Variants in AKAP9 observed in about 807,000 individuals in gnomAD.
AKAP9 encodes the protein A-kinase anchor protein 9.
AKAP9 carries 311 observed loss-of-function variants against 488.5 expected under a neutral mutation model. That is an observed-to-expected ratio of 0.64 (90% confidence interval 0.58 to 0.70). The LOEUF is 0.70. Ranked by LOEUF, AKAP9 falls within the 30% of genes least tolerant of loss-of-function variation. The probability of loss-of-function intolerance (pLI) is 0.00; values close to 1 mark genes in which losing one functional copy is unlikely to be tolerated. For missense variants in AKAP9, 4,215 were observed against 4,374.5 expected, an observed-to-expected ratio of 0.96 and a Z score of 1.03; for synonymous variants, 1,462 against 1,483.5, an observed-to-expected ratio of 0.99 and a Z score of 0.33.
chr7:92,026,181 A>G (rs1214957804), intron 14 of AKAP9, among the ~76,000 whole-genome samples: 1 of 152,228 alleles, frequency 6.6e-6, no homozygotes, highest in Non-Finnish European at 1.5e-5. Flanking sequence ...GAAAATCAAC[A>G]GGGGTTGCAG....
At chr7:92,053,671 A>G (rs574754000) in intron 22 of AKAP9, among the ~76,000 whole-genome samples, 1 of 152,308 alleles carries the variant, frequency 6.6e-6, no homozygotes, top group East Asian at 1.9e-4. Flanking sequence ...TGTGTTATTT[A>G]GCTTCTTCTG....
chr7:92,053,845 G>C (rs1808365426), intron 22 of AKAP9, among the ~76,000 whole-genome samples: 1 of 152,068 alleles, frequency 6.6e-6, no homozygotes, highest in Non-Finnish European at 1.5e-5. Context: ...CAGACCTACT[G>C]AAACTGAGGG....
At chr7:92,104,074 A>C (rs1818094061) in intron 46 of AKAP9, among the ~76,000 whole-genome samples, 3 of 152,278 alleles carry the variant, frequency 2.0e-5, no homozygotes, top group African/African-American at 7.2e-5. Flanking sequence ...TACAAACACC[A>C]AGGCTTCTCC....
intron 23 of AKAP9, among the ~76,000 whole-genome samples, chr7:92,061,673 C>A (rs1809876248): frequency 7.4e-6 from 1 of 135,344 alleles, no homozygotes; most frequent in Non-Finnish European, 1.6e-5. Context: ...TCAGAAAATA[C>A]CAAAAAGGAT....
In AKAP9 at chr7:92,040,870, T is replaced by G; in HGVS notation, c.4889T>G (p.Ile1630Ser). 6.2e-7 allele frequency: 1 copy of G among 1,613,518 alleles called. No individual in the cohort carries two copies. Among genetic ancestry groups the G allele is most frequent in the Non-Finnish European group, 8.5e-7 (1 of 1,179,718 alleles). Residue 1630 changes from isoleucine to serine, a missense_variant, in exon 18 of 50, where the codon ATT becomes AGT. Ile to Ser is a moderately radical substitution (Grantham distance 142). Coordinates refer to ENST00000356239, the MANE Select transcript of AKAP9 (RefSeq NM_005751.5). ...REDQEQLQEE[I>S]KRLNRQLAQR... is the part of the protein sequence containing the mutation. The stretch of plus-strand genomic sequence containing the variant: ...GACCAGGAACAGCTACAAGAAGAGA[T>G]TAAGAGACTTAATAGACAATTAGCC...
intron 38 of AKAP9, among the ~76,000 whole-genome samples, chr7:92,091,822 A>T (rs1815689181): frequency 6.6e-6 from 1 of 152,186 alleles, no homozygotes; most frequent in Non-Finnish European, 1.5e-5. Context: ...ATTTATGTAA[A>T]TCCTTAACCT....
At chr7:92,098,795 A>G (rs1412609484) in intron 43 of AKAP9, among the ~76,000 whole-genome samples, 1 of 152,162 alleles carries the variant, frequency 6.6e-6, no homozygotes, top group Non-Finnish European at 1.5e-5. Context: ...TTATTAAACA[A>G]ATACTTATAT....
In AKAP9 at chr7:92,070,964, A is replaced by G. The variant is rs777969491; in HGVS notation, c.6567A>G (p.Val2189=). 5.0e-5 allele frequency: 81 copies of G among 1,614,000 alleles called. No homozygotes were observed. The highest frequency in any genetic ancestry group is 6.6e-5 in the Non-Finnish European group (78 of 1,179,992). Residue 2189 remains valine, a synonymous_variant, in exon 28 of 50, where the codon GTA becomes GTG. Transcript: ENST00000356239. ...CTAAACCAGAATTGTCCCTAGAAGTACAATTGCAGGCTGAACGAGATGCCA... is the reference window on the plus strand; with the variant it reads ...CTAAACCAGAATTGTCCCTAGAAGTGCAATTGCAGGCTGAACGAGATGCCA... The part of the protein sequence containing the change: ...VEAKPELSLE[V]QLQAERDAID...
chr7:92,014,472 T>C (rs1440321012), intron 10 of AKAP9, 144 bp downstream of exon 10: 19 of 662,008 alleles, frequency 2.9e-5, no homozygotes, highest in Non-Finnish European at 5.0e-5. Context: ...TACCAAAAAA[T>C]ACAAAAATCA....
In AKAP9 at chr7:92,107,370, C is replaced by A. The variant is rs140053176; in HGVS notation, c.11494C>A (p.Arg3832Ser). ...LYGEPRHTTY[R>S]SRSDLDYIRS... ...TGGAGAACCAAGACATACTACGTAT[C>A]GCTCAAGATCAGATCTGGACTATAT... is the stretch of plus-strand genomic sequence containing the variant. The change falls in exon 48 of 50, where the codon CGC becomes AGC. Residue 3832 changes from arginine to serine, a missense_variant. Physicochemically the swap from Arg to Ser is moderately radical, Grantham distance 110 (BLOSUM62 -1). Transcript: ENST00000356239. 6.2e-7 allele frequency: 1 copy of A among 1,613,584 alleles called. No individual in the cohort carries two copies. The highest frequency in any genetic ancestry group is 2.2e-5 in the East Asian group (1 of 44,834).
intron 16 of AKAP9, among the ~76,000 whole-genome samples, chr7:92,037,776 A>C (rs1805434368): frequency 6.6e-6 from 1 of 152,370 alleles, no homozygotes; most frequent in Middle Eastern, 3.4e-3. Flanking sequence ...AAAGATATGC[A>C]CAATTATATA....
Position 92,059,191 on chromosome 7 carries a change from A to G in AKAP9, c.5602-2069A>G, listed in dbSNP as rs978795783. ...GACAGAATATTAACTGATACTTTAC[A>G]TGTACTTTTAATGTAATAAGTTTCT... On this transcript the variant is annotated intron_variant, in intron 22 of 49. Coordinates refer to ENST00000356239, the MANE Select transcript of AKAP9 (RefSeq NM_005751.5). Among the ~76,000 whole-genome samples, 5 of 152,070 alleles carry G rather than the reference A, an allele frequency of 3.3e-5. No individual in the cohort carries two copies. The East Asian group carries it at 5.8e-4, about 18-fold the overall frequency.
rs59961119 is a variant in AKAP9 at position 92,034,498 on chromosome 7, A to ATT, written c.4338+2914_4338+2915dup. Among the ~76,000 whole-genome samples the ATT allele has an allele frequency of 3.9e-3, 375 of 95,414 alleles. 7 individuals carry two copies. The highest frequency in any genetic ancestry group is 0.014 in the East Asian group (46 of 3,182). 62.6% of individuals were successfully genotyped at this position (95,414 alleles called of 152,430 possible). On this transcript the variant is annotated intron_variant, in intron 16 of 49. Transcript: ENST00000356239. The stretch of plus-strand genomic sequence containing the variant: ...TATATATCTATATATATATATATAT[A>ATT]TTTTTTTTTTTTTTTTTTTTTGAGA...
Position 92,062,357 on chromosome 7 carries a change from CAGG to C in AKAP9, c.5851_5853del (p.Glu1951del), listed in dbSNP as rs1434896280. On this transcript the variant is annotated inframe_deletion, in exon 24 of 50. Transcript: ENST00000356239. Reference sequence around the variant, plus strand: ...AACTGATATAATAGATCGTCTTGAGCAGGAGTTGTTATGTGCAAGTAACAGGTT... The same window carrying C: ...AACTGATATAATAGATCGTCTTGAGCAGTTGTTATGTGCAAGTAACAGGTT... 6.2e-7 allele frequency: 1 copy of C among 1,613,774 alleles called. No individual in the cohort carries two copies. Among genetic ancestry groups the C allele is most frequent in the Middle Eastern group, 1.7e-4 (1 of 6,058 alleles).
intron 16 of AKAP9, among the ~76,000 whole-genome samples, chr7:92,032,263 G>A (rs1563016751): frequency 1.3e-5 from 2 of 152,124 alleles, no homozygotes; most frequent in Non-Finnish European, 2.9e-5. Context: ...TTGGGAGGCC[G>A]AGGCGGGCAG....
chr7:91,994,611 T>C lies in AKAP9; in HGVS notation c.577-10T>C. The C allele has an allele frequency of 6.2e-7, 1 of 1,608,634 alleles. No homozygotes were observed. Among genetic ancestry groups the C allele is most frequent in the African/African-American group, 1.3e-5 (1 of 74,850 alleles). The stretch of plus-strand genomic sequence containing the variant: ...AAAAAATAAATCTAGCACTTACTAT[T>C]TTCTTTCAGTTACAAGAATTTGAAG... On this transcript the variant is annotated splice_polypyrimidine_tract_variant and intron_variant, in intron 5 of 49. Coordinates refer to ENST00000356239, the MANE Select transcript of AKAP9 (RefSeq NM_005751.5).
At chr7:92,036,022 T>C (rs1805138851) in intron 16 of AKAP9, among the ~76,000 whole-genome samples, 1 of 152,038 alleles carries the variant, frequency 6.6e-6, no homozygotes. Context: ...GTTTTTTTTT[T>C]TTTAACTGAT....
intron 1 of AKAP9, among the ~76,000 whole-genome samples, chr7:91,970,130 GC>G (rs559377984): frequency 3.0e-4 from 46 of 151,880 alleles, no homozygotes; most frequent in South Asian, 1.5e-3. Context: ...ATAGGTTCAA[GC>G]AGTTATTTTA....
chr7:92,096,616 C>G, intron 40 of AKAP9, 73 bp from the exon 41 acceptor site: 1 of 1,574,240 alleles, frequency 6.4e-7, no homozygotes, highest in Non-Finnish European at 8.7e-7. Context: ...GGATTACAGG[C>G]GTGAGCCACC....
Sources: allele counts gnomAD v4.1 joint callset (sites outside exome capture counted in the v4.1 genomes callset), GRCh38; gene constraint gnomAD v4.1.1; transcripts MANE v1.5; gene names NCBI Gene and HGNC (gene_info 2026-07-23, HGNC 2026-07-21).